The following PTPRD variants were observed in gnomAD, a reference collection of about 807,000 sequenced individuals.
PTPRD encodes the protein receptor-type tyrosine-protein phosphatase delta.
Under a neutral mutation model 214.5 loss-of-function variants are expected in PTPRD, and 34 were observed. The ratio of observed to expected loss-of-function variants is 0.16; its 90% CI spans 0.12 to 0.21. PTPRD has a LOEUF of 0.21. Ranked by LOEUF, PTPRD falls within the 10% of genes least tolerant of loss-of-function variation. PTPRD has a pLI of 1.00. For missense variants in PTPRD, 2,545 were observed against 2,398.7 expected (o/e 1.06, Z -1.27); for synonymous variants, 1,128 against 845.7 (o/e 1.33, Z -5.79).
chr9:8,899,131 TA>T (rs1211773081), intron 11 of PTPRD, among the ~76,000 whole-genome samples: 2 of 151,906 alleles, frequency 1.3e-5, no homozygotes, highest in African/African-American at 2.4e-5. Context: ...CCAGGCAAGA[TA>T]AAAAAAAGAT....
At chr9:9,798,827 G>C (rs1259549960) in intron 5 of PTPRD, among the ~76,000 whole-genome samples, 1 of 152,170 alleles carries the variant, frequency 6.6e-6, no homozygotes, top group Non-Finnish European at 1.5e-5. Context: ...TAGATATGGA[G>C]ATATAATCAG....
chr9:9,305,657 CT>C (rs1346157406), intron 9 of PTPRD, among the ~76,000 whole-genome samples: 3 of 151,958 alleles, frequency 2.0e-5, no homozygotes, highest in African/African-American at 7.3e-5. Flanking sequence ...ATGTAATAAA[CT>C]TAAAATGAGG....
intron 12 of PTPRD, among the ~76,000 whole-genome samples, chr9:8,708,977 C>T (rs968664187): frequency 2.0e-5 from 3 of 151,930 alleles, no homozygotes; most frequent in African/African-American, 7.3e-5. Flanking sequence ...ACCATTATGG[C>T]AAGTGAAGTA....
chr9:9,922,059 T>G (rs2153877570), intron 5 of PTPRD, among the ~76,000 whole-genome samples: 1 of 152,222 alleles, frequency 6.6e-6, no homozygotes, highest in South Asian at 2.1e-4. Context: ...ATAGCAGGGC[T>G]GAGAAAGTAC....
Position 8,341,247 on chromosome 9 carries a change from G to T in PTPRD, c.4969C>A (p.His1657Asn). The change falls in exon 41 of 46, where the codon CAC becomes AAC. Residue 1657 changes from histidine (H) to asparagine (N), a missense_variant. Transcript: ENST00000381196. ...TTGGCACTGATAAACCTTGAGGTGT[G>T]AGCTTTTGAGCTGGCTAGACGCTGT... is the stretch of plus-strand genomic sequence containing the variant. The part of the protein sequence containing the change: ...EFKRLASSKA[H>N]TSRFISANLP... The T allele has an allele frequency of 6.2e-7, 1 of 1,609,448 alleles. No individual in the cohort carries two copies.
intron 7 of PTPRD, among the ~76,000 whole-genome samples, chr9:9,712,156 T>C (rs930470949): frequency 1.3e-5 from 2 of 152,144 alleles, no homozygotes; most frequent in Middle Eastern, 3.2e-3. Context: ...ACAATAAGAG[T>C]ATCCATTAAA....
chr9:9,586,939 C>A (rs1201748257), intron 7 of PTPRD, among the ~76,000 whole-genome samples: 1 of 151,864 alleles, frequency 6.6e-6, no homozygotes, highest in African/African-American at 2.4e-5. Flanking sequence ...CATCTATGTT[C>A]CTAAGTGTCA....
chr9:10,362,137 G>C (rs189364329), intron 2 of PTPRD, among the ~76,000 whole-genome samples: 10 of 152,194 alleles, frequency 6.6e-5, no homozygotes, highest in Admixed American at 4.6e-4. Context: ...AAGAAAATTT[G>C]TACATAAGCC....
intron 14 of PTPRD, among the ~76,000 whole-genome samples, chr9:8,629,675 C>T (rs1039699047): frequency 2.0e-5 from 3 of 151,754 alleles, no homozygotes; most frequent in Non-Finnish European, 2.9e-5. Context: ...AACAGATATA[C>T]TCAGCCTCCT....
chr9:10,483,799 C>A (rs1437730808), intron 2 of PTPRD, among the ~76,000 whole-genome samples: 1 of 152,012 alleles, frequency 6.6e-6, no homozygotes, highest in Non-Finnish European at 1.5e-5. Flanking sequence ...GGATGTGGTG[C>A]AAAGGGAACA....
At chr9:9,623,491 G>A (rs989435612) in intron 7 of PTPRD, among the ~76,000 whole-genome samples, 5 of 152,050 alleles carry the variant, frequency 3.3e-5, no homozygotes, top group African/African-American at 4.8e-5. Flanking sequence ...ACTCACTGAC[G>A]GCTGAACCAT....
chr9:10,168,099 T>C (rs2099170560), intron 3 of PTPRD, among the ~76,000 whole-genome samples: 1 of 151,604 alleles, frequency 6.6e-6, no homozygotes, highest in Admixed American at 6.6e-5. Context: ...CATCTTGAAG[T>C]TTGGAAACAT....
intron 7 of PTPRD, among the ~76,000 whole-genome samples, chr9:9,634,861 T>C (rs955975838): frequency 2.6e-5 from 4 of 152,210 alleles, no homozygotes; most frequent in African/African-American, 7.2e-5. Flanking sequence ...GTTACTTTTA[T>C]GTTGAGTACT....
chr9:8,450,677 A>G (rs1188358328), intron 33 of PTPRD, among the ~76,000 whole-genome samples: 1 of 152,182 alleles, frequency 6.6e-6, no homozygotes, highest in East Asian at 1.9e-4. Flanking sequence ...ATCCCCATTT[A>G]AGCTCTCATT....
At chr9:8,871,368 G>T (rs905734540) in intron 11 of PTPRD, among the ~76,000 whole-genome samples, 2 of 111,606 alleles carry the variant, frequency 1.8e-5, no homozygotes, top group Non-Finnish European at 4.6e-5. Flanking sequence ...GAAATGTGGG[G>T]CATACACATA....
chr9:9,066,389 G>T (rs1389145874), intron 10 of PTPRD, among the ~76,000 whole-genome samples: 1 of 151,846 alleles, frequency 6.6e-6, no homozygotes, highest in African/African-American at 2.4e-5. Flanking sequence ...GTTCATTTTG[G>T]TAGTCTGTGT....
At chr9:9,454,490 C>G (rs2092704361) in intron 8 of PTPRD, among the ~76,000 whole-genome samples, 1 of 151,754 alleles carries the variant, frequency 6.6e-6, no homozygotes, top group Non-Finnish European at 1.5e-5. Context: ...CACAATTAAA[C>G]TCTAGTACAA....
chr9:8,534,542 T>C (rs975132445), intron 14 of PTPRD, among the ~76,000 whole-genome samples: 3 of 151,524 alleles, frequency 2.0e-5, no homozygotes, highest in African/African-American at 7.3e-5. Context: ...AAAGACTGAG[T>C]GAGAAAAGTT....
intron 5 of PTPRD, among the ~76,000 whole-genome samples, chr9:9,810,058 C>T (rs1036068920): frequency 1.3e-5 from 2 of 149,770 alleles, no homozygotes; most frequent in African/African-American, 4.9e-5. Flanking sequence ...ACCTCCCCTT[C>T]CTCCTGCACC....
Sources: allele counts gnomAD v4.1 joint callset (sites outside exome capture counted in the v4.1 genomes callset), GRCh38; gene constraint gnomAD v4.1.1; transcripts MANE v1.5; gene names NCBI Gene and HGNC (gene_info 2026-07-23, HGNC 2026-07-21).